Variants in ARHGEF3 observed in about 807,000 individuals in gnomAD.
The protein encoded by ARHGEF3 is 59.8 kDA protein.
In ARHGEF3, 28 loss-of-function variants were observed where a neutral mutation model predicts 63.2. That is an observed-to-expected ratio of 0.44 (90% CI 0.33 to 0.61). ARHGEF3 has a LOEUF of 0.61. Ranked by LOEUF, ARHGEF3 falls within the 20% of genes least tolerant of loss-of-function variation. The pLI is 0.03. For synonymous variants in ARHGEF3, 266 were observed against 254.2 expected (o/e 1.05, Z -0.44); for missense variants, 533 against 659.3 (o/e 0.81, Z 2.10).
At chr3:57,026,723 C>G (rs1703490849) in intron 2 of ARHGEF3, among the ~76,000 whole-genome samples, 1 of 152,220 alleles carries the variant, frequency 6.6e-6, no homozygotes, top group Non-Finnish European at 1.5e-5. Context: ...CTTTTCCTGC[C>G]TGTTGTGCTA....
At chr3:57,074,552 C>T in intron 1 of ARHGEF3, 1 of 397,892 alleles carries the variant, frequency 2.5e-6, no homozygotes, top group Non-Finnish European at 4.7e-6. Flanking sequence ...TATTAAATGA[C>T]ATCAATTGAT....
intron 4 of ARHGEF3, 34 bp from the exon 5 acceptor site, chr3:56,751,430 T>C (rs1459325691): frequency 6.4e-7 from 1 of 1,559,516 alleles, no homozygotes; most frequent in Non-Finnish European, 8.8e-7. Context: ...GAAGCACATG[T>C]TTAAAATCAG....
chr3:56,841,039 C>T (rs929723343), intron 4 of ARHGEF3, among the ~76,000 whole-genome samples: 2 of 152,116 alleles, frequency 1.3e-5, no homozygotes, highest in African/African-American at 4.8e-5. Context: ...TTTAAATTAG[C>T]ATTTTGGGAT....
chr3:56,759,437 G>C (rs1455400833), intron 2 of ARHGEF3, among the ~76,000 whole-genome samples: 1 of 152,176 alleles, frequency 6.6e-6, no homozygotes, highest in Admixed American at 6.5e-5. Context: ...CCGAAGTGCT[G>C]GGATTACAGG....
intron 1 of ARHGEF3, among the ~76,000 whole-genome samples, chr3:57,055,540 T>C (rs961842592): frequency 1.3e-5 from 2 of 152,220 alleles, no homozygotes; most frequent in East Asian, 1.9e-4. Context: ...TATTATCTTC[T>C]AGAAACTCCA....
intron 3 of ARHGEF3, among the ~76,000 whole-genome samples, chr3:56,919,404 A>G (rs1237043772): frequency 3.9e-5 from 6 of 152,010 alleles, no homozygotes; most frequent in African/African-American, 1.5e-4. Flanking sequence ...TCAAAAATAG[A>G]ATGATAACAT....
intron 2 of ARHGEF3, among the ~76,000 whole-genome samples, chr3:56,767,475 T>A (rs1328598180): frequency 6.9e-6 from 1 of 144,478 alleles, no homozygotes; most frequent in African/African-American, 2.6e-5. Flanking sequence ...TCCCAGCTAC[T>A]GGGGAGGCCG....
chr3:57,013,288 G>A (rs146070700), intron 2 of ARHGEF3, among the ~76,000 whole-genome samples: 1,568 of 152,354 alleles, frequency 0.01, 15 homozygotes, highest in Non-Finnish European at 0.017. Context: ...CTCAGCCCCC[G>A]GCCCTGGCAT....
At chr3:57,039,516 A>G (rs1425222433) in intron 1 of ARHGEF3, among the ~76,000 whole-genome samples, 1 of 152,136 alleles carries the variant, frequency 6.6e-6, no homozygotes, top group Non-Finnish European at 1.5e-5. Context: ...TGCTGCTGTA[A>G]TCAATTACCA....
chr3:56,966,848 T>C (rs67612514), intron 2 of ARHGEF3, among the ~76,000 whole-genome samples: 10 of 142,702 alleles, frequency 7.0e-5, no homozygotes, highest in Non-Finnish European at 1.2e-4. Flanking sequence ...TTTTTTTTTT[T>C]AATTATTATT....
intron 2 of ARHGEF3, among the ~76,000 whole-genome samples, chr3:57,034,194 T>C (rs867484913): frequency 6.6e-6 from 1 of 151,570 alleles, no homozygotes; most frequent in Non-Finnish European, 1.5e-5. Flanking sequence ...TATTCACAAG[T>C]GCAATTGTAG....
upstream of ARHGEF3, among the ~76,000 whole-genome samples, chr3:56,802,329 G>C (rs1254466129): frequency 6.6e-6 from 1 of 152,198 alleles, no homozygotes; most frequent in East Asian, 1.9e-4. Context: ...GGAGCCTGGG[G>C]GGAAAAGCGA....
chr3:57,048,125 T>C (rs55940726), intron 1 of ARHGEF3, among the ~76,000 whole-genome samples: 12,803 of 152,062 alleles, frequency 0.084, 693 homozygotes, highest in Non-Finnish European at 0.1. Flanking sequence ...TCCCACTCCA[T>C]CCAGCACCAC....
At chr3:56,862,246 C>T (rs2040102340) in intron 4 of ARHGEF3, among the ~76,000 whole-genome samples, 1 of 152,080 alleles carries the variant, frequency 6.6e-6, no homozygotes, top group South Asian at 2.1e-4. Context: ...CAGATGACCT[C>T]AGAACCAACC....
rs530330995 is a variant in ARHGEF3 at position 56,928,800 on chromosome 3, C to T, written c.129+30023G>A. ...TTTAAGCCCCAGAGAGGTTGAATTC[C>T]TCTGCTGCAGAACAAAGAAAACAGC... is the stretch of plus-strand genomic sequence containing the variant. On this transcript the variant is annotated intron_variant, in intron 3 of 12. Coordinates refer to the ARHGEF3 transcript ENST00000338458. 1.2e-4 allele frequency among the ~76,000 whole-genome samples: 19 copies of T among 152,278 alleles called. 1 individual carries two copies. In the South Asian group the frequency reaches 3.9e-3, roughly 32 times the overall value.
At position 57,066,552 on chromosome 3, in the gene ARHGEF3, C is replaced by T. The variant is rs575117337; in HGVS notation, c.-28+12674G>A. On this transcript the variant is annotated intron_variant, in intron 1 of 12. Transcript: ENST00000338458. ...TGCTGGGACTATTGGCGTGAGCCAC[C>T]GCGCCCAGGCTTTTGCCTTTTTCCT... Among the ~76,000 whole-genome samples, 5 of 152,338 alleles carry T rather than the reference C, an allele frequency of 3.3e-5. No homozygotes were observed. In the East Asian group the frequency reaches 5.8e-4, roughly 18 times the overall value.
At chr3:56,831,480 T>A (rs2038929236) in intron 4 of ARHGEF3, among the ~76,000 whole-genome samples, 1 of 152,248 alleles carries the variant, frequency 6.6e-6, no homozygotes, top group African/African-American at 2.4e-5. Flanking sequence ...TTTTGTGGAC[T>A]ATTCAGTCTC....
chr3:56,839,931 C>T (rs2039255029), intron 4 of ARHGEF3, among the ~76,000 whole-genome samples: 2 of 152,078 alleles, frequency 1.3e-5, no homozygotes, highest in East Asian at 1.9e-4. Context: ...CTCTCGAGCC[C>T]GGACACGTTT....
intron 2 of ARHGEF3, among the ~76,000 whole-genome samples, chr3:57,023,353 T>C (rs1321282253): frequency 6.6e-6 from 1 of 152,208 alleles, no homozygotes; most frequent in Non-Finnish European, 1.5e-5. Flanking sequence ...CACTCACTTA[T>C]TCTCAACAGG....
Sources: gnomAD v4.1 joint callset for allele counts (sites outside exome capture counted in the v4.1 genomes callset) on GRCh38, gnomAD v4.1.1 for gene constraint, MANE v1.5 for transcripts, NCBI Gene and HGNC (gene_info 2026-07-23, HGNC 2026-07-21) for gene names.